The following DMD variants were observed in gnomAD, a reference collection of about 807,000 sequenced individuals.
The protein encoded by DMD is mutant dystrophin.
A neutral mutation model predicts 330.1 loss-of-function variants in DMD; 63 were observed. That is an observed-to-expected ratio of 0.19 (90% confidence interval 0.16 to 0.24). The LOEUF (loss-of-function observed/expected upper bound fraction) is 0.24. Ranked by LOEUF, DMD falls within the 10% of genes least tolerant of loss-of-function variation. The pLI, the probability that DMD is intolerant of heterozygous loss-of-function variation, is 1.00. For synonymous variants in DMD, 1,223 were observed against 959.8 expected, an observed-to-expected ratio of 1.27 and a Z score of -5.07; for missense variants, 3,344 against 2,684.1, an observed-to-expected ratio of 1.25 and a Z score of -5.43.
chrX:32,825,343 C>G (rs762997625), intron 4 of DMD, among the ~76,000 whole-genome samples: 78 of 110,731 alleles, frequency 7.0e-4, no homozygotes, highest in Non-Finnish European at 1.3e-3. Context: ...AAGATAGTTC[C>G]TCCATTTCCT....
intron 23 of DMD, 149 bp from the exon 24 acceptor site, chrX:32,464,848 A>G (rs1350264244): frequency 2.1e-5 from 10 of 482,900 alleles, no homozygotes; most frequent in Non-Finnish European, 3.7e-5. Context: ...GAATATTTTT[A>G]CTAAGACTGC....
intron 56 of DMD, among the ~76,000 whole-genome samples, chrX:31,503,523 T>C (rs1180305520): frequency 1.8e-5 from 2 of 112,315 alleles, no homozygotes; most frequent in Non-Finnish European, 3.8e-5. Context: ...TGTATTCATA[T>C]AAGTTAGCTG....
intron 7 of DMD, among the ~76,000 whole-genome samples, chrX:32,707,394 C>G (rs1045240614): frequency 8.9e-6 from 1 of 111,949 alleles, no homozygotes; most frequent in Non-Finnish European, 1.9e-5. Flanking sequence ...AATGGAAGCT[C>G]TGCAGTGTTA....
At chrX:32,022,019 T>C (rs2095809449) in intron 44 of DMD, among the ~76,000 whole-genome samples, 1 of 112,408 alleles carries the variant, frequency 8.9e-6, no homozygotes, top group African/African-American at 3.2e-5. Context: ...CAATGGAACT[T>C]ATAAAACTAT....
At chrX:31,603,866 C>G (rs746940408) in intron 55 of DMD, among the ~76,000 whole-genome samples, 4 of 111,601 alleles carry the variant, frequency 3.6e-5, no homozygotes. Flanking sequence ...AACAATGCCA[C>G]GCCAAGCAGT....
chrX:31,269,614 T>C (rs183764911), intron 62 of DMD, among the ~76,000 whole-genome samples: 4 of 112,089 alleles, frequency 3.6e-5, no homozygotes, highest in Non-Finnish European at 5.6e-5. Flanking sequence ...TTTTCTAGTA[T>C]ACTCATAGAC....
chrX:32,475,368 A>AT (rs750604093), intron 21 of DMD, among the ~76,000 whole-genome samples: 2 of 109,644 alleles, frequency 1.8e-5, no homozygotes, highest in African/African-American at 3.3e-5. Context: ...TAATTTTAGA[A>AT]TTTTTTTTCT....
intron 63 of DMD, among the ~76,000 whole-genome samples, chrX:31,238,637 C>T (rs958001067): frequency 1.7e-4 from 19 of 112,077 alleles, no homozygotes; most frequent in African/African-American, 5.2e-4. Context: ...AACTTCCCTA[C>T]GGTTGCATCC....
rs1311063453 is a variant in DMD at position 32,464,686 on chromosome X, G to A, written c.3176C>T (p.Thr1059Ile). The A allele has an allele frequency of 2.5e-6, 3 of 1,196,040 alleles. No homozygotes were observed. Among genetic ancestry groups the A allele is most frequent in the South Asian group, 3.5e-5 (2 of 56,601 alleles). ...KLRKIQNHIQ[T>I]LKKWMAEVDV... Reference sequence around the variant, plus strand: ...AACTTCAGCCATCCATTTCTTCAGGGTTTGTATGTGATTCTGAAACGAGAC... The same window carrying A: ...AACTTCAGCCATCCATTTCTTCAGGATTTGTATGTGATTCTGAAACGAGAC... The change falls in exon 24 of 79, where the codon ACC becomes ATC. Residue 1059 changes from threonine to isoleucine, a missense_variant. Physicochemically the swap from Thr to Ile is moderately conservative, Grantham distance 89. Coordinates refer to ENST00000357033, the MANE Select transcript of DMD (RefSeq NM_004006.3).
chrX:31,222,199 AAAAAAC>A (rs1257642744), intron 64 of DMD, among the ~76,000 whole-genome samples: 1 of 106,906 alleles, frequency 9.4e-6, no homozygotes, highest in Non-Finnish European at 1.9e-5. Flanking sequence ...CTGTCTCAAA[AAAAAAC>A]AAAACAAACA....
At chrX:33,334,137 G>A (rs2054218134) in intron 1 of DMD, among the ~76,000 whole-genome samples, 1 of 111,481 alleles carries the variant, frequency 9.0e-6, no homozygotes, top group Admixed American at 9.6e-5. Context: ...AAACTAGGCA[G>A]ATATTATATA....
chrX:32,331,274 T>C (rs1015237579), intron 41 of DMD, among the ~76,000 whole-genome samples: 21 of 111,918 alleles, frequency 1.9e-4, no homozygotes, highest in African/African-American at 6.2e-4. Context: ...AGTAACAAAC[T>C]GTTCCCAAAT....
chrX:32,780,850 C>T (rs180762987), intron 7 of DMD, among the ~76,000 whole-genome samples: 28 of 109,580 alleles, frequency 2.6e-4, no homozygotes, highest in African/African-American at 9.3e-4. Flanking sequence ...CTCGCACTTT[C>T]AGAGGCCGAG....
intron 55 of DMD, among the ~76,000 whole-genome samples, chrX:31,609,515 G>A (rs1487955678): frequency 1.1e-5 from 1 of 91,475 alleles, no homozygotes; most frequent in Non-Finnish European, 2.2e-5. Context: ...GCACGTGTGT[G>A]TGCGTGTGTG....
chrX:31,845,389 C>CTTCTCTCT (rs2093403291), intron 48 of DMD, among the ~76,000 whole-genome samples: 1 of 56,166 alleles, frequency 1.8e-5, no homozygotes, highest in Non-Finnish European at 3.4e-5. Context: ...CTCTCTCTCT[C>CTTCTCTCT]TCTCTCTCTC....
rs181618487 is a variant in DMD at position 31,900,459 on chromosome X, C to T, written c.6913-25086G>A. Among the ~76,000 whole-genome samples the T allele has an allele frequency of 2.6e-3, 292 of 111,515 alleles. 2 individuals are homozygous for T. The highest frequency in any genetic ancestry group is 8.8e-3 in the African/African-American group (270 of 30,705). ...CTGCCCATCCACGTAAGATGTGACT[C>T]GTTCCTCCTTGCCTGGTGCCATAGT... On this transcript the variant is annotated intron_variant, in intron 47 of 78. Coordinates refer to ENST00000357033, the MANE Select transcript of DMD (RefSeq NM_004006.3).
At chrX:31,341,866 GGCGTGCGCGCGTGCGTGC>G (rs748903653) in intron 61 of DMD, among the ~76,000 whole-genome samples, 10 of 87,690 alleles carry the variant, frequency 1.1e-4, no homozygotes, top group Non-Finnish European at 2.0e-4. Flanking sequence ...ACTGTGATCT[GGCGTGCGCGCGTGCGTGC>G]GCGCGCGCAC....
chrX:33,201,972 A>G (rs1252609726), intron 1 of DMD, among the ~76,000 whole-genome samples: 8 of 112,381 alleles, frequency 7.1e-5, no homozygotes, highest in Non-Finnish European at 1.5e-4. Context: ...TGAGATAGTA[A>G]TAAAATTGTG....
At chrX:32,406,610 G>C (rs1017619834) in intron 30 of DMD, among the ~76,000 whole-genome samples, 3 of 111,061 alleles carry the variant, frequency 2.7e-5, no homozygotes, top group Non-Finnish European at 5.7e-5. Flanking sequence ...AGCCCACTTG[G>C]TCATGGTGCA....
Sources: gnomAD v4.1 joint callset for allele counts (sites outside exome capture counted in the v4.1 genomes callset) on GRCh38, gnomAD v4.1.1 for gene constraint, MANE v1.5 for transcripts, NCBI Gene and HGNC (gene_info 2026-07-23, HGNC 2026-07-21) for gene names.